The following STS variants were observed in gnomAD, a reference collection of about 807,000 sequenced individuals.
STS encodes the protein steryl-sulfatase.
STS carries 7 observed loss-of-function variants against 26.8 expected under a neutral mutation model. The observed-to-expected ratio is 0.26, with a 90% confidence interval of 0.15 to 0.49. STS has a LOEUF of 0.49. STS is among the 20% of genes least tolerant of loss of function. The pLI is 0.98. For missense variants in STS, 434 were observed against 465.6 expected, an observed-to-expected ratio of 0.93 and a Z score of 0.63; for synonymous variants, 199 against 189.4, an observed-to-expected ratio of 1.05 and a Z score of -0.42.
At position 7,217,270 on chromosome X, in the gene STS, T is replaced by C. The variant is rs140153753; in HGVS notation, c.-5+26262T>C. On this transcript the variant is annotated intron_variant, in intron 2 of 10. Coordinates refer to ENST00000674429, the MANE Select transcript of STS (RefSeq NM_001320752.2). ...GGTCCAGTAGGGTGTTCTTGCTAAA[T>C]TGACTTAACAGGCTTCTTGCTAAAA... Among the ~76,000 whole-genome samples, 504 of 111,352 alleles carry C rather than the reference T, an allele frequency of 4.5e-3. 1 individual carries two copies. The highest frequency in any genetic ancestry group is 0.016 in the African/African-American group (477 of 30,627).
chrX:7,244,279 G>GT (rs1922760704), intron 2 of STS, among the ~76,000 whole-genome samples: 2 of 112,165 alleles, frequency 1.8e-5, no homozygotes, highest in African/African-American at 6.5e-5. Context: ...GCAGCCTAAT[G>GT]TTTTCCTTGA....
intron 6 of STS, among the ~76,000 whole-genome samples, chrX:7,269,809 T>C (rs1465475755): frequency 9.0e-6 from 1 of 111,584 alleles, no homozygotes; most frequent in Admixed American, 9.5e-5. Context: ...CATACTCTAA[T>C]TACCAGCAGC....
At chrX:7,241,901 T>C (rs1922637431) in intron 2 of STS, among the ~76,000 whole-genome samples, 1 of 111,903 alleles carries the variant, frequency 8.9e-6, no homozygotes, top group Admixed American at 9.6e-5. Flanking sequence ...CAGGACTTAG[T>C]TCCTTGCAGG....
At chrX:7,278,822 A>G (rs1924663909) in intron 7 of STS, among the ~76,000 whole-genome samples, 1 of 111,907 alleles carries the variant, frequency 8.9e-6, no homozygotes, top group African/African-American at 3.2e-5. Context: ...TAGCACATGT[A>G]TTTGTGGGAG....
intron 10 of STS, among the ~76,000 whole-genome samples, chrX:7,345,188 A>G (rs372452355): frequency 1.0e-3 from 114 of 111,685 alleles, no homozygotes; most frequent in African/African-American, 3.7e-3. Context: ...CCCAACAAAA[A>G]GATGCAGATG....
intron 2 of STS, among the ~76,000 whole-genome samples, chrX:7,205,543 G>T (rs760670317): frequency 9.0e-6 from 1 of 110,948 alleles, no homozygotes; most frequent in Non-Finnish European, 1.9e-5. Flanking sequence ...TGTCTGGAGG[G>T]GTTGGCTGGT....
chrX:7,284,426 C>T (rs1925028654), intron 7 of STS, among the ~76,000 whole-genome samples: 1 of 111,360 alleles, frequency 9.0e-6, no homozygotes, highest in Non-Finnish European at 1.9e-5. Flanking sequence ...GTTATCTCTT[C>T]ATAGCTGTGG....
intron 2 of STS, among the ~76,000 whole-genome samples, chrX:7,245,672 G>C (rs1377799002): frequency 8.9e-6 from 1 of 112,455 alleles, no homozygotes; most frequent in Non-Finnish European, 1.9e-5. Context: ...CAGCAGGGAA[G>C]ATTAAACGCA....
chrX:7,160,979 GGA>G (rs1389754204), intron 1 of STS, among the ~76,000 whole-genome samples: 1 of 110,967 alleles, frequency 9.0e-6, no homozygotes, highest in East Asian at 2.8e-4. Flanking sequence ...TTTTTGAGAT[GGA>G]GTCTCGACCT....
chrX:7,187,563 A>G (rs755003303), intron 1 of STS, among the ~76,000 whole-genome samples: 6 of 112,128 alleles, frequency 5.4e-5, no homozygotes, highest in Non-Finnish European at 1.1e-4. Context: ...GGAGAAATGC[A>G]TTCTCTTCTT....
chrX:7,257,199 A>G (rs778764828), intron 3 of STS, 43 bp from the exon 4 acceptor site: 3 of 1,207,193 alleles, frequency 2.5e-6, no homozygotes, highest in Admixed American at 2.2e-5. Flanking sequence ...TACATGAACA[A>G]TAAATGAAAA....
chrX:7,253,107 T>C, intron 2 of STS, 89 bp from the exon 3 acceptor site: 1 of 1,092,638 alleles, frequency 9.2e-7, no homozygotes, highest in Admixed American at 2.4e-5. Context: ...GCTAAGATCC[T>C]ACCACCTCAC....
rs771838840 is a variant in STS, at chrX:7,170,595, G to A, written c.-133-20285G>A. ...TGAGATTTCAGATGTGCCCCACCAT[G>A]CCCATTTAATTTACATTAAATTAAA... On this transcript the variant is annotated intron_variant, in intron 1 of 10. Transcript: ENST00000674429. Among the ~76,000 whole-genome samples the A allele has an allele frequency of 8.2e-5, 9 of 109,331 alleles. 1 individual carries two copies. In the East Asian group the frequency reaches 1.4e-3, roughly 17 times the overall value. 94.9% of individuals were successfully genotyped at this position (109,331 alleles called of 115,157 possible).
intron 1 of STS, among the ~76,000 whole-genome samples, chrX:7,178,211 C>T (rs951409538): frequency 1.8e-5 from 2 of 112,279 alleles, no homozygotes; most frequent in Admixed American, 1.9e-4. Flanking sequence ...ATAAACAAAT[C>T]AGAATGTTCT....
At chrX:7,169,412 T>C (rs1933417945) in intron 1 of STS, among the ~76,000 whole-genome samples, 1 of 112,578 alleles carries the variant, frequency 8.9e-6, no homozygotes, top group Non-Finnish European at 1.9e-5. Context: ...TGCTGAATAA[T>C]ATTCTATTGT....
intron 2 of STS, among the ~76,000 whole-genome samples, chrX:7,246,834 A>C (rs765817164): frequency 8.8e-6 from 1 of 113,014 alleles, no homozygotes; most frequent in East Asian, 2.8e-4. Context: ...ATGATGAGAT[A>C]AGGGGTAGTT....
intron 1 of STS, among the ~76,000 whole-genome samples, chrX:7,176,690 G>C (rs1338572636): frequency 9.0e-6 from 1 of 111,639 alleles, no homozygotes; most frequent in Non-Finnish European, 1.9e-5. Context: ...TGAGAACCGA[G>C]TGAAGGAGGA....
chrX:7,178,868 G>C (rs1409233541), intron 1 of STS, among the ~76,000 whole-genome samples: 1 of 94,545 alleles, frequency 1.1e-5, no homozygotes, highest in Non-Finnish European at 2.1e-5. Context: ...GCCTTCTCTA[G>C]TCCTCATGAA....
At chrX:7,183,838 C>T (rs1299992738) in intron 1 of STS, among the ~76,000 whole-genome samples, 1 of 110,859 alleles carries the variant, frequency 9.0e-6, no homozygotes, top group Non-Finnish European at 1.9e-5. Flanking sequence ...CTCATCTCTA[C>T]TAAAAATACG....
Sources: allele counts gnomAD v4.1 joint callset (sites outside exome capture counted in the v4.1 genomes callset), GRCh38; gene constraint gnomAD v4.1.1; transcripts MANE v1.5; gene names NCBI Gene and HGNC (gene_info 2026-07-23, HGNC 2026-07-21).